Variants in ROBO1 observed in about 807,000 individuals in gnomAD.
ROBO1 encodes roundabout guidance receptor 1.
ROBO1 carries 149 observed loss-of-function variants against 195.9 expected under a neutral mutation model. The observed-to-expected ratio is 0.76, with a 90% CI of 0.67 to 0.87. The LOEUF is 0.87. Among genes scored for constraint, ROBO1 ranks in the 40% least tolerant of loss-of-function variants. The probability of loss-of-function intolerance (pLI) is 0.00; values close to 1 mark genes in which losing one functional copy is unlikely to be tolerated. For missense variants in ROBO1, 1,933 were observed against 2,068.3 expected (o/e 0.93, Z 1.27); for synonymous variants, 816 against 733.2 (o/e 1.11, Z -1.82).
chr3:79,706,663 C>T (rs912936843), intron 1 of ROBO1, among the ~76,000 whole-genome samples: 5 of 151,832 alleles, frequency 3.3e-5, no homozygotes, highest in South Asian at 2.1e-4. Context: ...TTTATGGGGG[C>T]GGGGGTAGTT....
chr3:79,554,412 G>C (rs373244366), intron 2 of ROBO1, among the ~76,000 whole-genome samples: 13 of 151,974 alleles, frequency 8.6e-5, no homozygotes, highest in African/African-American at 3.1e-4. Flanking sequence ...ATTACTACCT[G>C]TTTGCAACAG....
At chr3:78,768,186 G>A (rs1222105178) in intron 4 of ROBO1, among the ~76,000 whole-genome samples, 1 of 151,984 alleles carries the variant, frequency 6.6e-6, no homozygotes, top group African/African-American at 2.4e-5. Flanking sequence ...TTGACCAAAT[G>A]CTCATTCAGG....
intron 3 of ROBO1, among the ~76,000 whole-genome samples, chr3:79,048,765 G>A (rs1201816784): frequency 6.6e-6 from 1 of 152,046 alleles, no homozygotes; most frequent in Non-Finnish European, 1.5e-5. Context: ...GGGTCTGGAG[G>A]GGACCTCCAG....
At chr3:79,352,271 C>A (rs1559838496) in intron 2 of ROBO1, among the ~76,000 whole-genome samples, 2 of 152,120 alleles carry the variant, frequency 1.3e-5, no homozygotes. Context: ...GTTCTCCCAC[C>A]TTTACTTACT....
intron 2 of ROBO1, among the ~76,000 whole-genome samples, chr3:79,269,964 A>C (rs147459329): frequency 6.6e-6 from 1 of 151,962 alleles, no homozygotes; most frequent in East Asian, 1.9e-4. Context: ...ATTTCCTCAA[A>C]GAGGAAAATC....
intron 1 of ROBO1, among the ~76,000 whole-genome samples, chr3:79,712,201 C>T (rs1702305118): frequency 6.6e-6 from 1 of 152,084 alleles, no homozygotes; most frequent in Admixed American, 6.6e-5. Flanking sequence ...GTGAGGAAGG[C>T]ATATCAAAAG....
At chr3:78,754,789 G>T (rs1225408153) in intron 4 of ROBO1, among the ~76,000 whole-genome samples, 1 of 152,162 alleles carries the variant, frequency 6.6e-6, no homozygotes, top group Non-Finnish European at 1.5e-5. Context: ...GGCTGTGTGA[G>T]AGAATAATGA....
At chr3:78,993,990 TA>T (rs879428125) in intron 3 of ROBO1, among the ~76,000 whole-genome samples, 78 of 147,272 alleles carry the variant, frequency 5.3e-4, no homozygotes, top group South Asian at 1.5e-3. Context: ...ATACCAGCTT[TA>T]AAAAAAAAAA....
At chr3:78,939,035 G>A in intron 3 of ROBO1, 108 bp from the exon 4 acceptor site, 2 of 954,108 alleles carry the variant, frequency 2.1e-6, no homozygotes, top group Admixed American at 2.8e-5. Flanking sequence ...CATAACATTG[G>A]CCTAGCCTTC....
chr3:79,593,874 C>T (rs1265283685), intron 1 of ROBO1, among the ~76,000 whole-genome samples: 1 of 152,008 alleles, frequency 6.6e-6, no homozygotes. Context: ...GCTTTGGCCT[C>T]CCAAACTGCT....
In ROBO1 at chr3:79,056,380, A is replaced by G. The variant is rs375037368; in HGVS notation, c.172+69076T>C. ...TGCCGACCCCACTGATAAAGAATTG[A>G]CTGACTGTTATCAAATTTTGAGCTG... On this transcript the variant is annotated intron_variant, in intron 3 of 30. Coordinates refer to ENST00000464233, the MANE Select transcript of ROBO1 (RefSeq NM_002941.4). Among the ~76,000 whole-genome samples, 12 of 152,176 alleles carry G rather than the reference A, an allele frequency of 7.9e-5. No homozygotes were observed. In the East Asian group the frequency reaches 1.4e-3, roughly 17 times the overall value.
intron 2 of ROBO1, among the ~76,000 whole-genome samples, chr3:79,231,151 T>C (rs1046692286): frequency 3.3e-5 from 5 of 152,034 alleles, no homozygotes; most frequent in African/African-American, 9.7e-5. Flanking sequence ...ATTCAGGACA[T>C]AGGCACAGAC....
intron 1 of ROBO1, among the ~76,000 whole-genome samples, chr3:79,706,008 C>T (rs1356286343): frequency 6.6e-6 from 1 of 151,938 alleles, no homozygotes; most frequent in Admixed American, 6.6e-5. Flanking sequence ...GTATATTAGC[C>T]TTGTGTCCTG....
intron 1 of ROBO1, among the ~76,000 whole-genome samples, chr3:79,683,396 G>C (rs1424530743): frequency 6.6e-6 from 1 of 151,952 alleles, no homozygotes; most frequent in Admixed American, 6.6e-5. Flanking sequence ...CTAGTAATTT[G>C]AATGTGGAAA....
intron 2 of ROBO1, among the ~76,000 whole-genome samples, chr3:79,516,418 T>C (rs1438389378): frequency 3.9e-5 from 6 of 152,094 alleles, no homozygotes; most frequent in Non-Finnish European, 5.9e-5. Context: ...CAAAAGAGAA[T>C]AAAAAGTTAT....
intron 1 of ROBO1, among the ~76,000 whole-genome samples, chr3:79,619,815 C>T (rs1944946386): frequency 6.6e-6 from 1 of 152,138 alleles, no homozygotes; most frequent in East Asian, 1.9e-4. Flanking sequence ...TTCTGAATAT[C>T]CATTTTATTA....
intron 3 of ROBO1, among the ~76,000 whole-genome samples, chr3:78,945,727 C>T (rs2040397813): frequency 6.6e-6 from 1 of 152,090 alleles, no homozygotes; most frequent in African/African-American, 2.4e-5. Flanking sequence ...CTCTGAGCTA[C>T]AGGAGGAAAT....
intron 1 of ROBO1, among the ~76,000 whole-genome samples, chr3:79,704,487 A>AGG (rs1947710421): frequency 6.6e-6 from 1 of 151,954 alleles, no homozygotes; most frequent in Admixed American, 6.6e-5. Context: ...TATGCATTTA[A>AGG]GTTTCCCTCA....
intron 4 of ROBO1, among the ~76,000 whole-genome samples, chr3:78,920,473 T>G (rs1410958417): frequency 6.6e-6 from 1 of 151,488 alleles, no homozygotes; most frequent in East Asian, 1.9e-4. Context: ...CACGGCTAAC[T>G]TTTTTTTATT....
Sources: gnomAD v4.1 joint callset for allele counts (sites outside exome capture counted in the v4.1 genomes callset) on GRCh38, gnomAD v4.1.1 for gene constraint, MANE v1.5 for transcripts, NCBI Gene and HGNC (gene_info 2026-07-23, HGNC 2026-07-21) for gene names.